The following HERPUD2 variants were observed in gnomAD, a reference collection of about 807,000 sequenced individuals.
HERPUD2 encodes homocysteine-responsive endoplasmic reticulum-resident ubiquitin-like domain member 2 protein.
A neutral mutation model predicts 49.9 loss-of-function variants in HERPUD2; 13 were observed. That is an observed-to-expected ratio of 0.26 (90% CI 0.17 to 0.41). The LOEUF (loss-of-function observed/expected upper bound fraction) is 0.41. Among genes scored for constraint, HERPUD2 ranks in the 10% least tolerant of loss-of-function variants. The pLI is 1.00. For missense variants in HERPUD2, 449 were observed against 492.2 expected, an observed-to-expected ratio of 0.91 and a Z score of 0.83; for synonymous variants, 172 against 171.4, an observed-to-expected ratio of 1.00 and a Z score of -0.03.
At chr7:35,660,220 T>C (rs1785382917) in intron 5 of HERPUD2, among the ~76,000 whole-genome samples, 1 of 152,260 alleles carries the variant, frequency 6.6e-6, no homozygotes, top group Non-Finnish European at 1.5e-5. Context: ...TCCTTTTTTA[T>C]GGCGGCATAG....
chr7:35,686,422 C>T (rs985160675), intron 2 of HERPUD2, among the ~76,000 whole-genome samples: 1 of 149,432 alleles, frequency 6.7e-6, no homozygotes, highest in African/African-American at 2.5e-5. Flanking sequence ...CTCCTGATCT[C>T]ATGATCCGCC....
At chr7:35,678,463 G>C (rs1785812450) in intron 2 of HERPUD2, among the ~76,000 whole-genome samples, 1 of 151,964 alleles carries the variant, frequency 6.6e-6, no homozygotes, top group Non-Finnish European at 1.5e-5. Flanking sequence ...ACCACACCCT[G>C]CTAATTTTTG....
chr7:35,681,008 A>G (rs1336816274), intron 2 of HERPUD2, among the ~76,000 whole-genome samples: 1 of 152,200 alleles, frequency 6.6e-6, no homozygotes, highest in Non-Finnish European at 1.5e-5. Context: ...AGTTTGTTAA[A>G]TTAGTTATTT....
At chr7:35,665,576 G>C (rs564037573) in intron 5 of HERPUD2, among the ~76,000 whole-genome samples, 1 of 152,154 alleles carries the variant, frequency 6.6e-6, no homozygotes, top group African/African-American at 2.4e-5. Flanking sequence ...CAGGTGAGGC[G>C]ATGCCCCGCC....
rs1177748235 is a variant in HERPUD2, at chr7:35,686,736, AAAAAAAAAAC to A, written c.147+7438_147+7447del. Among the ~76,000 whole-genome samples, 20 of 105,402 alleles carry A rather than the reference AAAAAAAAAAC, an allele frequency of 1.9e-4. 2 individuals carry two copies. Among genetic ancestry groups the A allele is most frequent in the South Asian group, 1.6e-3 (4 of 2,500 alleles). The allele number at this position is 105,402 out of a possible 152,430, so 69.1% of individuals were successfully genotyped here. A position where few individuals can be genotyped will look rare whatever the true frequency, so the allele number is the denominator to read the frequency against. The stretch of plus-strand genomic sequence containing the variant: ...TCCGTCTCAAAAAAAAAAAAAAAAA[AAAAAAAAAAC>A]CAAACCCATTTCCAGGCCAGGGGTG... On this transcript the variant is annotated intron_variant, in intron 2 of 8. Transcript: ENST00000311350.
chr7:35,652,206 G>T (rs113371997), intron 5 of HERPUD2, among the ~76,000 whole-genome samples: 1 of 152,064 alleles, frequency 6.6e-6, no homozygotes, highest in African/African-American at 2.4e-5. Context: ...AATCCACCAC[G>T]GTGCGCTCAG....
In HERPUD2 at chr7:35,667,582, C is replaced by A. The variant is rs1785564115; in HGVS notation, c.346G>T (p.Asp116Tyr). The A allele has an allele frequency of 2.5e-6, 4 of 1,602,828 alleles. No individual in the cohort carries two copies. The Admixed American group carries it at 6.7e-5, about 27-fold the overall frequency. ...ALASSSNSSS[D>Y]HSGSTTPSSG... The stretch of plus-strand genomic sequence containing the variant: ...GATGGAGTTGTTGATCCTGAATGAT[C>A]TGAACTCTACAAATAAAAATGTAAT... The change falls in exon 5 of 9, where the codon GAT (aspartate) becomes TAT (tyrosine). Residue 116 changes from aspartate to tyrosine, a missense_variant. Physicochemically the swap from Asp to Tyr is radical, Grantham distance 160. Transcript: ENST00000311350.
chr7:35,639,538 T>C (rs775160262), intron 5 of HERPUD2, among the ~76,000 whole-genome samples: 1 of 152,174 alleles, frequency 6.6e-6, no homozygotes, highest in Admixed American at 6.5e-5. Flanking sequence ...GTGAGATTTG[T>C]AGAAAATCAC....
At chr7:35,675,643 C>A (rs1785745171) in intron 2 of HERPUD2, among the ~76,000 whole-genome samples, 1 of 152,012 alleles carries the variant, frequency 6.6e-6, no homozygotes, top group Admixed American at 6.6e-5. Flanking sequence ...AAAATGAACC[C>A]CCAGGTACCA....
At chr7:35,676,403 G>A (rs1464300826) in intron 2 of HERPUD2, among the ~76,000 whole-genome samples, 1 of 152,050 alleles carries the variant, frequency 6.6e-6, no homozygotes, top group East Asian at 1.9e-4. Flanking sequence ...GCACATTTTT[G>A]ACCAGTAGGA....
At chr7:35,634,273 T>G in intron 8 of HERPUD2, 39 bp downstream of exon 8, 2 of 1,291,428 alleles carry the variant, frequency 1.5e-6, no homozygotes, top group Middle Eastern at 1.8e-4. Flanking sequence ...GCTGGGAAAA[T>G]CTCAGTATCT....
intron 4 of HERPUD2, among the ~76,000 whole-genome samples, chr7:35,669,819 T>G (rs1785607648): frequency 6.6e-6 from 1 of 152,130 alleles, no homozygotes; most frequent in Non-Finnish European, 1.5e-5. Context: ...GTACTTAAAT[T>G]TTAAACAATT....
intron 4 of HERPUD2, chr7:35,668,400 T>C (rs1359681775): frequency 1.3e-5 from 2 of 152,692 alleles, no homozygotes; most frequent in Non-Finnish European, 2.9e-5. Context: ...CCCAATTTGT[T>C]TGAAAATAGT....
chr7:35,679,158 A>G (rs558056118), intron 2 of HERPUD2, among the ~76,000 whole-genome samples: 2 of 152,354 alleles, frequency 1.3e-5, no homozygotes, highest in South Asian at 4.1e-4. Context: ...CTGAAATCTC[A>G]TGATGGCTAT....
intron 4 of HERPUD2, 22 bp downstream of exon 4, chr7:35,670,193 T>G: frequency 8.2e-7 from 1 of 1,226,250 alleles, no homozygotes; most frequent in Non-Finnish European, 1.1e-6. Context: ...GTTCAATGTT[T>G]ACTCCTCCCA....
Position 35,662,134 on chromosome 7 carries a change from T to C in HERPUD2, c.494+5300A>G, listed in dbSNP as rs1045094278. Among the ~76,000 whole-genome samples, 3 of 152,226 alleles carry C rather than the reference T, an allele frequency of 2.0e-5. 1 individual carries two copies. Among genetic ancestry groups the C allele is most frequent in the Admixed American group, 1.3e-4 (2 of 15,288 alleles). On this transcript the variant is annotated intron_variant, in intron 5 of 8. Transcript: ENST00000311350. The stretch of plus-strand genomic sequence containing the variant: ...TTTTCTGCATCTATTGAGATAATCA[T>C]GTGGTTTCTGTCTTTAGTTCTGTTT...
At chr7:35,647,423 G>A (rs1785076245) in intron 5 of HERPUD2, among the ~76,000 whole-genome samples, 1 of 152,172 alleles carries the variant, frequency 6.6e-6, no homozygotes. Context: ...CTTTCAGTGA[G>A]AAAGTACAGA....
Position 35,633,521 on chromosome 7 carries a change from A to G in HERPUD2, c.*169T>C. On this transcript the variant is annotated 3_prime_UTR_variant, in exon 9 of 9. Transcript: ENST00000311350. ...AAAAAAAAAAAAAACTCAGATATTT[A>G]GTAGTCCATTCGTGCTTAAAATATT... 1 of 437,498 alleles carries G rather than the reference A, an allele frequency of 2.3e-6. No individual in the cohort carries two copies. The highest frequency in any genetic ancestry group is 4.2e-5 in the South Asian group (1 of 23,724). 27.1% of individuals were successfully genotyped at this position (437,498 alleles called of 1,614,324 possible).
At chr7:35,692,643 T>G (rs891848251) in intron 2 of HERPUD2, among the ~76,000 whole-genome samples, 1 of 151,940 alleles carries the variant, frequency 6.6e-6, no homozygotes, top group African/African-American at 2.4e-5. Context: ...TTCCTCAGGG[T>G]TTTTTTTCCC....
Sources: gnomAD v4.1 joint callset for allele counts (sites outside exome capture counted in the v4.1 genomes callset) on GRCh38, gnomAD v4.1.1 for gene constraint, MANE v1.5 for transcripts, NCBI Gene and HGNC (gene_info 2026-07-23, HGNC 2026-07-21) for gene names.